ITPR2: variants seen among roughly 807,000 people sequenced by gnomAD.
ITPR2 encodes inositol 1,4,5-trisphosphate-gated calcium channel ITPR2.
In ITPR2, 207 loss-of-function variants were observed where a neutral mutation model predicts 317.1. The ratio of observed to expected loss-of-function variants is 0.65; its 90% CI spans 0.58 to 0.73. The LOEUF (loss-of-function observed/expected upper bound fraction) is 0.73, where lower values mean the gene tolerates loss of function less well. Ranked by LOEUF, ITPR2 falls within the 30% of genes least tolerant of loss-of-function variation. ITPR2 has a pLI of 0.00. For missense variants in ITPR2, 2,613 were observed against 3,284.0 expected, an observed-to-expected ratio of 0.80 and a Z score of 4.99; for synonymous variants, 1,156 against 1,149.1, an observed-to-expected ratio of 1.01 and a Z score of -0.12.
intron 51 of ITPR2, among the ~76,000 whole-genome samples, 162 bp from the exon 52 acceptor site, chr12:26,411,574 G>C (rs1018095019): frequency 4.6e-5 from 7 of 152,114 alleles, no homozygotes; most frequent in Non-Finnish European, 7.3e-5. Context: ...ACACAGTTTT[G>C]CCTATTGAAG....
intron 55 of ITPR2, among the ~76,000 whole-genome samples, chr12:26,357,225 A>C (rs921276820): frequency 1.3e-5 from 2 of 152,098 alleles, no homozygotes; most frequent in Non-Finnish European, 2.9e-5. Flanking sequence ...TTGGGGTTTC[A>C]AGTCAGCCCC....
chr12:26,630,029 G>A (rs576327668), intron 22 of ITPR2, among the ~76,000 whole-genome samples: 22 of 152,312 alleles, frequency 1.4e-4, no homozygotes, highest in African/African-American at 5.1e-4. Context: ...TGGTAGCAAA[G>A]GGATTTGCAG....
Position 26,487,130 on chromosome 12 carries a change from T to G in ITPR2, c.5492A>C (p.Asp1831Ala). Residue 1831 changes from aspartate to alanine, a missense_variant, in exon 40 of 57, where the codon GAT becomes GCT. By Grantham distance (126) the Asp-to-Ala change is moderately radical. Coordinates refer to ENST00000381340, the MANE Select transcript of ITPR2 (RefSeq NM_002223.4). ...IRSTVTVNTI[D>A]LGNKKRDDDN... is the part of the protein sequence containing the mutation. ...ATCGTCCCTTTTTTTGTTACCTAAATCTATGGTATTAACTGTCACTGTTGA... is the reference window on the plus strand; with the variant it reads ...ATCGTCCCTTTTTTTGTTACCTAAAGCTATGGTATTAACTGTCACTGTTGA... 1 of 1,613,284 alleles carries G rather than the reference T, an allele frequency of 6.2e-7. No homozygotes were observed. Among genetic ancestry groups the G allele is most frequent in the Non-Finnish European group, 8.5e-7 (1 of 1,179,516 alleles).
intron 34 of ITPR2, among the ~76,000 whole-genome samples, chr12:26,576,554 T>C (rs1472263561): frequency 1.3e-5 from 2 of 152,170 alleles, no homozygotes; most frequent in Admixed American, 1.3e-4. Context: ...AAAAGAGCCA[T>C]GGCGCTCCAG....
chr12:26,469,267 T>A (rs901737747), intron 45 of ITPR2, among the ~76,000 whole-genome samples: 1 of 152,206 alleles, frequency 6.6e-6, no homozygotes, highest in Admixed American at 6.5e-5. Flanking sequence ...TGAAAGACTA[T>A]CTTATAATAA....
intron 2 of ITPR2, among the ~76,000 whole-genome samples, chr12:26,784,545 T>C (rs1412843563): frequency 6.6e-5 from 10 of 151,514 alleles, no homozygotes; most frequent in Admixed American, 2.0e-4. Context: ...GGTTTTGCTG[T>C]GTTGGCCGGG....
chr12:26,440,622 T>C (rs1447131820), intron 46 of ITPR2, among the ~76,000 whole-genome samples: 1 of 152,120 alleles, frequency 6.6e-6, no homozygotes, highest in Admixed American at 6.5e-5. Context: ...GCAAACTACA[T>C]GAAATTTAGT....
rs1254629109 is a variant in ITPR2 at position 26,656,454 on chromosome 12, G to A, written c.2287C>T (p.Arg763Trp). The A allele has an allele frequency of 3.7e-6, 6 of 1,614,196 alleles. No individual in the cohort carries two copies. Among genetic ancestry groups the A allele is most frequent in the East Asian group, 2.2e-5 (1 of 44,888 alleles). Residue 763 changes from arginine (R) to tryptophan (W), a missense_variant, in exon 19 of 57, where the codon CGG becomes TGG. By Grantham distance (101) the Arg-to-Trp change is moderately radical. Coordinates refer to ENST00000381340, the MANE Select transcript of ITPR2 (RefSeq NM_002223.4). ...STQLSVDLIL[R>W]CVSDESLPFD... is the part of the protein sequence containing the mutation. The stretch of plus-strand genomic sequence containing the variant: ...GGCAGGCTCTCATCCGACACACACC[G>A]CAGGATCAGGTCTACAGACAGCTGT...
intron 37 of ITPR2, among the ~76,000 whole-genome samples, chr12:26,499,151 A>G (rs1041525641): frequency 2.0e-5 from 3 of 152,208 alleles, no homozygotes; most frequent in Non-Finnish European, 2.9e-5. Context: ...ACTATTGAAA[A>G]CCAACCAAAG....
At chr12:26,811,567 C>T (rs1221210339) in intron 1 of ITPR2, among the ~76,000 whole-genome samples, 1 of 151,614 alleles carries the variant, frequency 6.6e-6, no homozygotes. Flanking sequence ...GGCGCCTGTA[C>T]TCCCAGCTAC....
chr12:26,692,823 AC>A (rs1294399983), intron 10 of ITPR2, among the ~76,000 whole-genome samples: 1 of 152,224 alleles, frequency 6.6e-6, no homozygotes, highest in Non-Finnish European at 1.5e-5. Context: ...CATTACATAG[AC>A]AACGTCAGGA....
chr12:26,495,403 G>T, intron 37 of ITPR2, 143 bp from the exon 38 acceptor site: 1 of 546,988 alleles, frequency 1.8e-6, no homozygotes, highest in Non-Finnish European at 3.2e-6. Context: ...TATTTTCTGA[G>T]GCAAAAATTT....
chr12:26,827,104 A>T (rs1043902444), intron 1 of ITPR2, among the ~76,000 whole-genome samples: 2 of 152,250 alleles, frequency 1.3e-5, no homozygotes, highest in African/African-American at 4.8e-5. Flanking sequence ...ACCTTAAGAC[A>T]TGCCAGTAGA....
intron 45 of ITPR2, among the ~76,000 whole-genome samples, chr12:26,471,367 A>C (rs1336956243): frequency 6.6e-6 from 1 of 152,222 alleles, no homozygotes; most frequent in East Asian, 1.9e-4. Context: ...AAGCAAGAAA[A>C]GAATATAAAA....
chr12:26,428,586 A>C (rs1361966820), intron 48 of ITPR2, among the ~76,000 whole-genome samples: 1 of 152,194 alleles, frequency 6.6e-6, no homozygotes, highest in Non-Finnish European at 1.5e-5. Context: ...ACTGCTAAAT[A>C]CACATACATA....
At chr12:26,803,019 T>G (rs1950585621) in intron 1 of ITPR2, among the ~76,000 whole-genome samples, 1 of 152,226 alleles carries the variant, frequency 6.6e-6, no homozygotes, top group Admixed American at 6.5e-5. Context: ...TCAACTGTTT[T>G]CAGATTATAT....
chr12:26,532,975 C>A (rs1267122807), intron 37 of ITPR2, among the ~76,000 whole-genome samples: 1 of 152,076 alleles, frequency 6.6e-6, no homozygotes. Context: ...CGTGAGCCAC[C>A]GTGCCCGGCC....
chr12:26,582,195 T>C (rs1430487435), intron 32 of ITPR2, among the ~76,000 whole-genome samples: 2 of 152,174 alleles, frequency 1.3e-5, no homozygotes, highest in Admixed American at 1.3e-4. Flanking sequence ...TATAATATCA[T>C]GGACAGCCAA....
intron 55 of ITPR2, among the ~76,000 whole-genome samples, chr12:26,386,435 A>G (rs1357236394): frequency 1.3e-5 from 2 of 152,198 alleles, no homozygotes; most frequent in African/African-American, 4.8e-5. Context: ...GGTAAGGTAA[A>G]CTATGACTAT....
Sources: gnomAD v4.1 joint callset for allele counts (sites outside exome capture counted in the v4.1 genomes callset) on GRCh38, gnomAD v4.1.1 for gene constraint, MANE v1.5 for transcripts, NCBI Gene and HGNC (gene_info 2026-07-23, HGNC 2026-07-21) for gene names.